DIPK1A: variants seen among roughly 807,000 people sequenced by gnomAD.
The protein encoded by DIPK1A is family with sequence similarity 69 member A.
DIPK1A carries 27 observed loss-of-function variants against 40.8 expected under a neutral mutation model. The ratio of observed to expected loss-of-function variants is 0.66; its 90% CI spans 0.49 to 0.91. DIPK1A has a LOEUF of 0.91. Among genes scored for constraint, DIPK1A ranks in the 40% least tolerant of loss-of-function variants. DIPK1A has a pLI of 0.00. For missense variants in DIPK1A, 412 were observed against 505.7 expected (o/e 0.81, Z 1.78); for synonymous variants, 166 against 171.3 (o/e 0.97, Z 0.24).
intron 1 of DIPK1A, among the ~76,000 whole-genome samples, chr1:92,898,500 A>G (rs898940613): frequency 6.6e-5 from 10 of 152,074 alleles, no homozygotes; most frequent in African/African-American, 2.4e-4. Flanking sequence ...ATATCACAAA[A>G]CATATCACCT....
Position 92,842,867 on chromosome 1 carries a change from C to G in DIPK1A, c.*516G>C. On this transcript the variant is annotated 3_prime_UTR_variant, in exon 5 of 5. Transcript: ENST00000370310. ...TGAGGTTAAAAATGGGTGTATAAGT[C>G]TTTAATACAGTAAACCATGCTATTA... The G allele has an allele frequency of 1.0e-6, 1 of 985,776 alleles. No individual in the cohort carries two copies. The highest frequency in any genetic ancestry group is 1.2e-6 in the Non-Finnish European group (1 of 830,156). The allele number at this position is 985,776 out of a possible 1,614,324, so 61.1% of individuals were successfully genotyped here.
chr1:92,838,126 G>T (rs959838881), downstream of DIPK1A, among the ~76,000 whole-genome samples: 1 of 152,158 alleles, frequency 6.6e-6, no homozygotes, highest in African/African-American at 2.4e-5. Flanking sequence ...CCTGACCCAG[G>T]TTCTTTTTCG....
intron 1 of DIPK1A, among the ~76,000 whole-genome samples, chr1:92,928,498 G>A (rs12758887): frequency 0.023 from 3,536 of 152,250 alleles, 75 homozygotes; most frequent in Middle Eastern, 0.041. Context: ...CTGAAGATAT[G>A]AGTTACCAGT....
chr1:92,927,863 T>G (rs1322306820), intron 1 of DIPK1A, among the ~76,000 whole-genome samples: 1 of 152,246 alleles, frequency 6.6e-6, no homozygotes, highest in African/African-American at 2.4e-5. Flanking sequence ...CGTCAGCTGA[T>G]GGACATTTGG....
At position 92,842,244 on chromosome 1, in the gene DIPK1A, C is replaced by T; in HGVS notation, c.*1139G>A. Reference sequence around the variant, plus strand: ...AAAGTAAACAAAACTGGTGCTAATCCATGGCGTTGAAGGAAAGTTTTGAGA... The same window carrying T: ...AAAGTAAACAAAACTGGTGCTAATCTATGGCGTTGAAGGAAAGTTTTGAGA... On this transcript the variant is annotated 3_prime_UTR_variant, in exon 5 of 5. Coordinates refer to ENST00000370310, the MANE Select transcript of DIPK1A (RefSeq NM_001006605.5). The T allele has an allele frequency of 2.0e-6, 2 of 990,128 alleles. No individual in the cohort carries two copies. The highest frequency in any genetic ancestry group is 2.4e-6 in the Non-Finnish European group (2 of 833,122). 61.3% of individuals were successfully genotyped at this position (990,128 alleles called of 1,614,324 possible). A position where few individuals can be genotyped will look rare whatever the true frequency, so the allele number is the denominator to read the frequency against.
Position 92,845,466 on chromosome 1 carries a change from C to G in DIPK1A, c.475-1271G>C, listed in dbSNP as rs537247810. The G allele has an allele frequency of 1.4e-3, 466 of 337,564 alleles. 6 individuals are homozygous for G. Among genetic ancestry groups the G allele is most frequent in the South Asian group, 8.8e-3 (435 of 49,262 alleles). 20.9% of individuals were successfully genotyped at this position (337,564 alleles called of 1,614,324 possible). On this transcript the variant is annotated intron_variant, in intron 4 of 4. Transcript: ENST00000370310. ...GGCAGATAGCTTGAGCTCAGGAGTTCTAGACCCGCCTGGGCAACATGGTGA... is the reference window on the plus strand; with the variant it reads ...GGCAGATAGCTTGAGCTCAGGAGTTGTAGACCCGCCTGGGCAACATGGTGA...
intron 2 of DIPK1A, among the ~76,000 whole-genome samples, chr1:92,862,190 T>C (rs778154404): frequency 6.6e-5 from 10 of 152,128 alleles, no homozygotes; most frequent in Non-Finnish European, 1.2e-4. Context: ...TATCCCAGCC[T>C]AGGCCTTTTT....
chr1:92,882,926 A>C (rs980548707), intron 1 of DIPK1A, among the ~76,000 whole-genome samples: 2 of 152,216 alleles, frequency 1.3e-5, no homozygotes, highest in African/African-American at 4.8e-5. Context: ...TGCTGATGTG[A>C]TATTAGGCTT....
At chr1:92,926,595 C>T (rs1432917327) in intron 1 of DIPK1A, among the ~76,000 whole-genome samples, 2 of 152,138 alleles carry the variant, frequency 1.3e-5, no homozygotes, top group Non-Finnish European at 2.9e-5. Context: ...CTACTAATTG[C>T]TCTAAAAGGG....
chr1:92,833,814 C>T, intron 4 of DIPK1A: 1 of 646,474 alleles, frequency 1.5e-6, no homozygotes, highest in Non-Finnish European at 2.7e-6. Flanking sequence ...GAATTGGAAC[C>T]TGGGAACTTG....
chr1:92,893,489 G>A (rs2100806914), intron 1 of DIPK1A, among the ~76,000 whole-genome samples: 1 of 152,070 alleles, frequency 6.6e-6, no homozygotes, highest in East Asian at 1.9e-4. Context: ...CCCTAAAAGA[G>A]CTCCTGAAGG....
At chr1:92,840,109 T>A (rs1687292364), downstream of DIPK1A, among the ~76,000 whole-genome samples, 1 of 151,770 alleles carries the variant, frequency 6.6e-6, no homozygotes, top group African/African-American at 2.4e-5. Flanking sequence ...AGCCTTGACC[T>A]CCTGGACTCA....
chr1:92,951,425 C>T (rs966321985), intron 1 of DIPK1A, among the ~76,000 whole-genome samples: 1 of 152,104 alleles, frequency 6.6e-6, no homozygotes, highest in Admixed American at 6.5e-5. Context: ...ATCTGGAAGC[C>T]GAATCATTCC....
At chr1:92,930,106 C>G (rs972427466) in intron 1 of DIPK1A, among the ~76,000 whole-genome samples, 4 of 152,180 alleles carry the variant, frequency 2.6e-5, no homozygotes, top group Non-Finnish European at 5.9e-5. Flanking sequence ...TTGTTTCTGA[C>G]TCCCTGAAGG....
At chr1:92,922,152 T>A (rs1650293658) in intron 1 of DIPK1A, among the ~76,000 whole-genome samples, 1 of 152,136 alleles carries the variant, frequency 6.6e-6, no homozygotes, top group African/African-American at 2.4e-5. Flanking sequence ...CGTTTCACTA[T>A]TTTGTATGCC....
At chr1:92,939,800 CAAA>C (rs1171243944) in intron 1 of DIPK1A, among the ~76,000 whole-genome samples, 1 of 152,036 alleles carries the variant, frequency 6.6e-6, no homozygotes, top group East Asian at 1.9e-4. Flanking sequence ...ACAAAAAACA[CAAA>C]AATTAGCCAG....
At chr1:92,953,575 TA>T (rs1338707290) in intron 1 of DIPK1A, among the ~76,000 whole-genome samples, 2 of 152,146 alleles carry the variant, frequency 1.3e-5, no homozygotes, top group Non-Finnish European at 2.9e-5. Flanking sequence ...TATTCACCTT[TA>T]AAAAAGAAGG....
In DIPK1A at chr1:92,866,554, T is replaced by C. The variant is rs560344454; in HGVS notation, c.189+9742A>G. On this transcript the variant is annotated intron_variant, in intron 2 of 4. Coordinates refer to ENST00000370310, the MANE Select transcript of DIPK1A (RefSeq NM_001006605.5). ...ACTAAATCATTTTAACCTGATGTGATGGTCTTTTGATCTGCCAACTAGGTT... is the reference window on the plus strand; with the variant it reads ...ACTAAATCATTTTAACCTGATGTGACGGTCTTTTGATCTGCCAACTAGGTT... Among the ~76,000 whole-genome samples the C allele has an allele frequency of 3.9e-5, 6 of 152,364 alleles. No individual in the cohort carries two copies. The South Asian group carries it at 1.0e-3, about 26-fold the overall frequency.
At chr1:92,918,706 A>G (rs1227821280) in intron 1 of DIPK1A, among the ~76,000 whole-genome samples, 1 of 152,124 alleles carries the variant, frequency 6.6e-6, no homozygotes, top group Non-Finnish European at 1.5e-5. Flanking sequence ...CTGTATCTAA[A>G]CGAGCAGTCC....
Sources: allele counts gnomAD v4.1 joint callset (sites outside exome capture counted in the v4.1 genomes callset), GRCh38; gene constraint gnomAD v4.1.1; transcripts MANE v1.5; gene names NCBI Gene and HGNC (gene_info 2026-07-23, HGNC 2026-07-21).